The following CCDC14 variants were observed in gnomAD, a reference collection of about 807,000 sequenced individuals.
CCDC14 encodes the protein coiled-coil domain-containing protein 14.
Under a neutral mutation model 81.4 loss-of-function variants are expected in CCDC14, and 71 were observed. The ratio of observed to expected loss-of-function variants is 0.87; its 90% CI spans 0.72 to 1.06. The LOEUF (loss-of-function observed/expected upper bound fraction) is 1.06, where lower values mean the gene tolerates loss of function less well. Ranked by LOEUF, CCDC14 falls within the 50% of genes least tolerant of loss-of-function variation. The probability of loss-of-function intolerance (pLI) is 0.00; values close to 1 mark genes in which losing one functional copy is unlikely to be tolerated. For missense variants in CCDC14, 1,046 were observed against 1,047.3 expected, an observed-to-expected ratio of 1.00 and a Z score of 0.02; for synonymous variants, 332 against 364.8, an observed-to-expected ratio of 0.91 and a Z score of 1.03.
intron 9 of CCDC14, among the ~76,000 whole-genome samples, chr3:123,942,207 T>C (rs987248034): frequency 4.6e-5 from 7 of 152,186 alleles, no homozygotes; most frequent in Middle Eastern, 6.8e-3. Flanking sequence ...CATAAACTCT[T>C]TGTGCCTTCA....
intron 9 of CCDC14, among the ~76,000 whole-genome samples, chr3:123,944,339 C>T (rs1328525965): frequency 3.9e-5 from 6 of 152,044 alleles, no homozygotes; most frequent in East Asian, 1.9e-4. Flanking sequence ...GGTAGCGAAA[C>T]GATCACTTCT....
chr3:123,890,292 C>T, the CCDC14 span, among the ~76,000 whole-genome samples: 1 of 152,146 alleles, frequency 6.6e-6, no homozygotes. Flanking sequence ...AATTTCATGT[C>T]CTCACATTTC....
intron 10 of CCDC14, 128 bp from the exon 11 acceptor site, chr3:123,931,654 C>T (rs1169900326): frequency 1.2e-5 from 7 of 593,382 alleles, no homozygotes; most frequent in Non-Finnish European, 2.0e-5. Context: ...CGATTAATTG[C>T]ATGAGCAGTT....
Position 123,944,928 on chromosome 3 carries a change from C to T in CCDC14, c.1264G>A (p.Val422Ile), listed in dbSNP as rs1241341548. 10 of 1,610,060 alleles carry T rather than the reference C, an allele frequency of 6.2e-6. No homozygotes were observed. The highest frequency in any genetic ancestry group is 8.5e-6 in the Non-Finnish European group (10 of 1,176,804). ...MEACISVLPT[V>I]SGNTDIQVEI... ...ACTTGAATATCTGTGTTTCCACTTA[C>T]TGTTGGAAGTACAGATATACATGCC... Residue 422 changes from valine to isoleucine, a missense_variant, in exon 9 of 13, where the codon GTA becomes ATA. By Grantham distance (29) the Val-to-Ile change is conservative. Transcript: ENST00000409697.
In CCDC14 at chr3:123,956,394, T is replaced by C; in HGVS notation, c.120A>G (p.Ala40=). 6.5e-7 allele frequency: 1 copy of C among 1,548,354 alleles called. No homozygotes were observed. The highest frequency in any genetic ancestry group is 8.7e-7 in the Non-Finnish European group (1 of 1,145,190). The change falls in exon 3 of 13, where the codon GCA becomes GCG. Residue 40 remains alanine, a synonymous_variant. Transcript: ENST00000409697. Reference sequence around the variant, plus strand: ...CAGAATGGATGGAATAGCCAGAATCTGCATTAAAACGTGGTATTTTTCTTA... The same window carrying C: ...CAGAATGGATGGAATAGCCAGAATCCGCATTAAAACGTGGTATTTTTCTTA... ...TYLRKIPRFN[A]DSGYSIHSDS... is the part of the protein sequence containing the mutation.
At position 123,915,386 on chromosome 3, in the gene CCDC14, G is replaced by A. The variant is rs939047139; in HGVS notation, c.2111C>T (p.Ala704Val). Residue 704 changes from alanine to valine, a missense_variant, in exon 13 of 13, where the codon GCC becomes GTC. Physicochemically the swap from Ala to Val is moderately conservative, Grantham distance 64. Transcript: ENST00000409697. Reference protein sequence around the residue: ...EEASAPGIISALSKQDSDEGS... With the variant: ...EEASAPGIISVLSKQDSDEGS... ...TTCATCAGAATCCTGTTTTGAAAGG[G>A]CAGAAATAATTCCAGGTGCAGATGC... The A allele has an allele frequency of 6.2e-7, 1 of 1,613,636 alleles. No homozygotes were observed. The highest frequency in any genetic ancestry group is 1.7e-5 in the Admixed American group (1 of 59,984).
At chr3:123,932,041 C>A (rs1432331177) in intron 10 of CCDC14, among the ~76,000 whole-genome samples, 1 of 152,134 alleles carries the variant, frequency 6.6e-6, no homozygotes, top group East Asian at 1.9e-4. Flanking sequence ...CTATCACGTT[C>A]TTTTTCATGG....
At chr3:123,917,274 A>G (rs1019291075) in intron 12 of CCDC14, among the ~76,000 whole-genome samples, 1 of 151,378 alleles carries the variant, frequency 6.6e-6, no homozygotes, top group Admixed American at 6.6e-5. Context: ...CAGGCAGATC[A>G]CCTGAGGTCA....
intron 5 of CCDC14, among the ~76,000 whole-genome samples, chr3:123,900,379 G>A (rs1446592756): frequency 2.0e-5 from 3 of 152,198 alleles, no homozygotes; most frequent in South Asian, 4.1e-4. Flanking sequence ...GACATTAGGA[G>A]GCTGCCTAAA....
At chr3:123,926,088 T>C (rs1333904263) in intron 12 of CCDC14, among the ~76,000 whole-genome samples, 1 of 152,206 alleles carries the variant, frequency 6.6e-6, no homozygotes, top group Non-Finnish European at 1.5e-5. Context: ...GGAATACTTA[T>C]ATTGAAGTTT....
chr3:123,926,178 A>C (rs1287544640), intron 12 of CCDC14, among the ~76,000 whole-genome samples: 1 of 152,216 alleles, frequency 6.6e-6, no homozygotes, highest in African/African-American at 2.4e-5. Flanking sequence ...ACATTTAAAA[A>C]AGCTTAATTT....
intron 9 of CCDC14, among the ~76,000 whole-genome samples, chr3:123,942,162 C>T (rs532815123): frequency 1.3e-5 from 2 of 152,086 alleles, no homozygotes; most frequent in African/African-American, 4.8e-5. Context: ...AGTCTTGACT[C>T]TTAACTTCTT....
intron 9 of CCDC14, among the ~76,000 whole-genome samples, chr3:123,944,398 T>C (rs1008240987): frequency 2.0e-5 from 3 of 152,130 alleles, no homozygotes; most frequent in Non-Finnish European, 4.4e-5. Flanking sequence ...CATTCTCTTT[T>C]TCCTAGACAA....
chr3:123,933,989 T>C (rs939636152), intron 9 of CCDC14, among the ~76,000 whole-genome samples: 1 of 152,102 alleles, frequency 6.6e-6, no homozygotes, highest in African/African-American at 2.4e-5. Flanking sequence ...CCTCCCCTCA[T>C]GGGCCAGGCG....
Position 123,961,135 on chromosome 3 carries a change from A to C in CCDC14, c.30+9T>G. On this transcript the variant is annotated intron_variant, in intron 1 of 12. Transcript: ENST00000409697. ...CCCACAGCGGACTCCTCAGGTCCTC[A>C]GCCCTCACCTGGCCCGGTCGAGCTC... 1 of 1,550,522 alleles carries C rather than the reference A, an allele frequency of 6.4e-7. No homozygotes were observed. Among genetic ancestry groups the C allele is most frequent in the South Asian group, 1.2e-5 (1 of 84,002 alleles).
intron 12 of CCDC14, among the ~76,000 whole-genome samples, chr3:123,927,798 G>GA (rs562914685): frequency 5.5e-5 from 8 of 145,154 alleles, no homozygotes; most frequent in African/African-American, 1.0e-4. Context: ...AAATGTTAAG[G>GA]AAAAAAAAAA....
chr3:123,922,732 A>G (rs2035125859), intron 12 of CCDC14, among the ~76,000 whole-genome samples: 1 of 152,176 alleles, frequency 6.6e-6, no homozygotes, highest in African/African-American at 2.4e-5. Context: ...CTCCCACCAA[A>G]GAAAAGCCCA....
chr3:123,907,985 C>T (rs1208375542), intron 5 of CCDC14, among the ~76,000 whole-genome samples: 5 of 151,896 alleles, frequency 3.3e-5, no homozygotes, highest in Non-Finnish European at 5.9e-5. Flanking sequence ...ACCATCTTCA[C>T]ATTAAGAACC....
In CCDC14 at chr3:123,956,356, T is replaced by C. The variant is rs763431510; in HGVS notation, c.158A>G (p.Gln53Arg). ...GYSIHSDSES[Q>R]AETVHGLDGC... ...TGTATTGTATCTATTCAATCTTACC[T>C]GACTTTCTGAATCAGAATGGATGGA... is the stretch of plus-strand genomic sequence containing the variant. Residue 53 changes from glutamine (Q) to arginine (R), a missense_variant and splice_region_variant, in exon 3 of 13, where the codon CAG (glutamine) becomes CGG (arginine). By Grantham distance (43) the Gln-to-Arg change is conservative (BLOSUM62 1). Transcript: ENST00000409697. 5 of 1,540,582 alleles carry C rather than the reference T, an allele frequency of 3.2e-6. No individual in the cohort carries two copies. The Admixed American group carries it at 6.0e-5, about 19-fold the overall frequency.
Sources: gnomAD v4.1 joint callset for allele counts (sites outside exome capture counted in the v4.1 genomes callset) on GRCh38, gnomAD v4.1.1 for gene constraint, MANE v1.5 for transcripts, NCBI Gene and HGNC (gene_info 2026-07-23, HGNC 2026-07-21) for gene names.